EPHA6: variants seen among roughly 807,000 people sequenced by gnomAD.
EPHA6 encodes the protein EPH receptor A6.
A neutral mutation model predicts 112.0 loss-of-function variants in EPHA6; 50 were observed. The observed-to-expected ratio is 0.45, with a 90% CI of 0.36 to 0.56. The LOEUF is 0.56. EPHA6 is among the 20% of genes least tolerant of loss of function. The pLI is 0.00. For synonymous variants in EPHA6, 529 were observed against 490.7 expected (o/e 1.08, Z -1.03); for missense variants, 1,280 against 1,417.4 (o/e 0.90, Z 1.56).
Position 97,756,160 on chromosome 3 carries a change from T to A in EPHA6, c.*7459T>A, listed in dbSNP as rs1398846778. Among the ~76,000 whole-genome samples, 1 of 152,016 alleles carries A rather than the reference T, an allele frequency of 6.6e-6. No homozygotes were observed. The highest frequency in any genetic ancestry group is 1.5e-5 in the Non-Finnish European group (1 of 67,868). On this transcript the variant is annotated 3_prime_UTR_variant, in exon 18 of 18. Transcript: ENST00000389672. ...CTCATCTACCCAGTAATATAATTATTAAAGTCATGAGGAAGTTTTTCTTTG... is the reference window on the plus strand; with the variant it reads ...CTCATCTACCCAGTAATATAATTATAAAAGTCATGAGGAAGTTTTTCTTTG...
At chr3:97,181,237 A>C (rs748885777) in intron 3 of EPHA6, among the ~76,000 whole-genome samples, 10 of 152,096 alleles carry the variant, frequency 6.6e-5, no homozygotes, top group Non-Finnish European at 1.3e-4. Flanking sequence ...TTGCTGCTGC[A>C]CAGGGTGGAG....
intron 3 of EPHA6, among the ~76,000 whole-genome samples, chr3:97,211,641 T>C (rs1037550925): frequency 1.3e-5 from 2 of 152,180 alleles, no homozygotes; most frequent in Non-Finnish European, 2.9e-5. Context: ...TCCATCCTCA[T>C]GAGCTAATCA....
At chr3:97,532,810 CTTTGT>C (rs1237230733) in intron 11 of EPHA6, among the ~76,000 whole-genome samples, 2 of 151,826 alleles carry the variant, frequency 1.3e-5, no homozygotes, top group African/African-American at 4.8e-5. Context: ...TGTGTTTTTG[CTTTGT>C]TTTGTTTTGT....
At chr3:97,253,318 CA>C (rs2079197913) in intron 5 of EPHA6, among the ~76,000 whole-genome samples, 1 of 151,994 alleles carries the variant, frequency 6.6e-6, no homozygotes, top group African/African-American at 2.4e-5. Flanking sequence ...AGGTAGTAAG[CA>C]AAGCTTTTAG....
intron 3 of EPHA6, among the ~76,000 whole-genome samples, chr3:97,023,581 A>C (rs1180044042): frequency 6.6e-6 from 1 of 152,096 alleles, no homozygotes; most frequent in Admixed American, 6.5e-5. Context: ...TAATATTAGC[A>C]AACAAGACTA....
chr3:97,012,601 G>A (rs1455953360), intron 3 of EPHA6, among the ~76,000 whole-genome samples: 1 of 139,850 alleles, frequency 7.2e-6, no homozygotes, highest in African/African-American at 2.9e-5. Context: ...GTGTGTGTGT[G>A]TGTGTGTATA....
At chr3:97,151,359 G>T (rs758761042) in intron 3 of EPHA6, among the ~76,000 whole-genome samples, 27 of 151,980 alleles carry the variant, frequency 1.8e-4, no homozygotes, top group Non-Finnish European at 3.7e-4. Context: ...ACCAAACAAT[G>T]GCAATTTGAG....
At position 96,994,732 on chromosome 3, in the gene EPHA6, T is replaced by TAGAGAGAG. The variant is rs71623564; in HGVS notation, c.1114+6762_1114+6769dup. On this transcript the variant is annotated intron_variant, in intron 3 of 17. Transcript: ENST00000389672. ...GTGTATATATATATATATATATATA[T>TAGAGAGAG]AGAGAGAGAGAGAGAGAGAGAGAGA... 4.5e-3 allele frequency among the ~76,000 whole-genome samples: 370 copies of TAGAGAGAG among 82,190 alleles called. 6 individuals carry two copies. The highest frequency in any genetic ancestry group is 0.019 in the African/African-American group (293 of 15,532). 53.9% of individuals were successfully genotyped at this position (82,190 alleles called of 152,430 possible). A position where few individuals can be genotyped will look rare whatever the true frequency, so the allele number is the denominator to read the frequency against.
At chr3:96,872,783 T>A (rs1429376193) in intron 2 of EPHA6, among the ~76,000 whole-genome samples, 2 of 152,028 alleles carry the variant, frequency 1.3e-5, no homozygotes, top group African/African-American at 4.8e-5. Context: ...TTTTTTTAAA[T>A]TTGATGTGAA....
At position 97,280,495 on chromosome 3, in the gene EPHA6, C is replaced by T. The variant is rs190416245; in HGVS notation, c.1606+36208C>T. On this transcript the variant is annotated intron_variant, in intron 5 of 17. Transcript: ENST00000389672. ...TAATTGTGTCTCAGCCTTTACTCTG[C>T]CATCTGAGTAATCTTTCTCAAGGTA... Among the ~76,000 whole-genome samples, 4 of 152,124 alleles carry T rather than the reference C, an allele frequency of 2.6e-5. No homozygotes were observed. In the East Asian group the frequency reaches 7.7e-4, roughly 29 times the overall value.
At chr3:97,514,898 C>T (rs1053389823) in intron 10 of EPHA6, among the ~76,000 whole-genome samples, 5 of 152,164 alleles carry the variant, frequency 3.3e-5, no homozygotes, top group Admixed American at 2.0e-4. Flanking sequence ...ACTTCCCAAT[C>T]ATCGGAACCT....
chr3:97,283,032 A>G (rs749148785), intron 5 of EPHA6, among the ~76,000 whole-genome samples: 3 of 152,212 alleles, frequency 2.0e-5, no homozygotes, highest in Non-Finnish European at 2.9e-5. Flanking sequence ...CAATGTCAGC[A>G]AGTACTCTAC....
chr3:97,178,065 G>A (rs115035827), intron 3 of EPHA6, among the ~76,000 whole-genome samples: 2,178 of 152,082 alleles, frequency 0.014, 66 homozygotes, highest in African/African-American at 0.05. Context: ...AAGTGAAGAT[G>A]ATTTTTCTGG....
chr3:97,545,531 T>C (rs1005835214), intron 11 of EPHA6, among the ~76,000 whole-genome samples: 1 of 152,212 alleles, frequency 6.6e-6, no homozygotes, highest in Non-Finnish European at 1.5e-5. Context: ...CTGAAAAGAA[T>C]GTATACTCTG....
At chr3:96,991,607 C>T (rs1547399) in intron 3 of EPHA6, among the ~76,000 whole-genome samples, 41,889 of 151,978 alleles carry the variant, frequency 0.28, 6,849 homozygotes, top group African/African-American at 0.46. Context: ...CATGACAATA[C>T]ATTATTTTAC....
chr3:97,121,373 C>T (rs1007860918), intron 3 of EPHA6, among the ~76,000 whole-genome samples: 1 of 151,974 alleles, frequency 6.6e-6, no homozygotes, highest in African/African-American at 2.4e-5. Flanking sequence ...GGTTGTCTTA[C>T]AGGAATTCTT....
At chr3:97,292,225 G>A (rs1300108033) in intron 5 of EPHA6, among the ~76,000 whole-genome samples, 1 of 152,258 alleles carries the variant, frequency 6.6e-6, no homozygotes, top group East Asian at 1.9e-4. Flanking sequence ...GCCCCAAAGA[G>A]GGTGTTACGG....
At chr3:97,524,336 T>G (rs1383218639) in intron 10 of EPHA6, among the ~76,000 whole-genome samples, 4 of 152,092 alleles carry the variant, frequency 2.6e-5, no homozygotes, top group Admixed American at 6.6e-5. Context: ...GAAAATACCT[T>G]AACTACAATT....
intron 1 of EPHA6, among the ~76,000 whole-genome samples, chr3:96,835,481 G>C (rs979422467): frequency 1.3e-5 from 2 of 151,984 alleles, no homozygotes; most frequent in African/African-American, 4.8e-5. Flanking sequence ...CAAGTGCAAG[G>C]GGATGGAAAA....
Sources: allele counts gnomAD v4.1 joint callset (sites outside exome capture counted in the v4.1 genomes callset), GRCh38; gene constraint gnomAD v4.1.1; transcripts MANE v1.5; gene names NCBI Gene and HGNC (gene_info 2026-07-23, HGNC 2026-07-21).